The following NRDE2 variants were observed in gnomAD, a reference collection of about 807,000 sequenced individuals.
NRDE2 encodes nuclear exosome regulator NRDE2.
In NRDE2, 76 loss-of-function variants were observed where a neutral mutation model predicts 124.2. That is an observed-to-expected ratio of 0.61 (90% CI 0.51 to 0.74). NRDE2 has a LOEUF of 0.74. Among genes scored for constraint, NRDE2 ranks in the 30% least tolerant of loss-of-function variants. The pLI is 0.00. For synonymous variants in NRDE2, 489 were observed against 528.1 expected, an observed-to-expected ratio of 0.93 and a Z score of 1.01; for missense variants, 1,314 against 1,417.3, an observed-to-expected ratio of 0.93 and a Z score of 1.17.
At chr14:90,331,576 C>T (rs1241669157) in intron 1 of NRDE2, among the ~76,000 whole-genome samples, 2 of 152,196 alleles carry the variant, frequency 1.3e-5, no homozygotes, top group East Asian at 3.9e-4. Flanking sequence ...AGAACAGGAC[C>T]TAACAACATC....
At chr14:90,297,349 T>C (rs1405088922) in intron 8 of NRDE2, among the ~76,000 whole-genome samples, 6 of 152,188 alleles carry the variant, frequency 3.9e-5, no homozygotes, top group East Asian at 3.8e-4. Context: ...TGTTTTGATA[T>C]ACTAGATTAA....
intron 1 of NRDE2, among the ~76,000 whole-genome samples, chr14:90,326,418 C>T (rs867811539): frequency 2.7e-4 from 40 of 149,322 alleles, no homozygotes; most frequent in African/African-American, 8.2e-4. Context: ...GGCGTGAACC[C>T]GGGAAGCGGA....
intron 5 of NRDE2, among the ~76,000 whole-genome samples, chr14:90,303,648 C>T (rs564885497): frequency 1.8e-4 from 27 of 152,150 alleles, no homozygotes; most frequent in Non-Finnish European, 1.6e-4. Context: ...TTGAACTTCA[C>T]CTTCTCCTTG....
intron 1 of NRDE2, among the ~76,000 whole-genome samples, chr14:90,326,075 G>A (rs1387408782): frequency 6.6e-6 from 1 of 152,194 alleles, no homozygotes; most frequent in Non-Finnish European, 1.5e-5. Context: ...GGGACTGGTT[G>A]AATAAAGCAT....
At position 90,316,640 on chromosome 14, in the gene NRDE2, A is replaced by T. The variant is rs1885057952; in HGVS notation, c.345T>A (p.Asp115Glu). 3.1e-6 allele frequency: 5 copies of T among 1,614,060 alleles called. No homozygotes were observed. The highest frequency in any genetic ancestry group is 4.2e-6 in the Non-Finnish European group (5 of 1,180,042). ...CTCTGGAAGGTTTGTCCTTTTCAGA[A>T]TCGGTGTCTGTCTCAGACCTGCTGC... is the stretch of plus-strand genomic sequence containing the variant. ...SSSSRSETDT[D>E]SEKDKPSRGV... The change falls in exon 3 of 14, where the codon GAT (aspartate) becomes GAA (glutamate). Residue 115 changes from aspartate to glutamate, a missense_variant. Asp to Glu is a conservative substitution (Grantham distance 45, BLOSUM62 2). Transcript: ENST00000354366.
At chr14:90,316,919 C>T in intron 2 of NRDE2, 108 bp from the exon 3 acceptor site, 1 of 762,302 alleles carries the variant, frequency 1.3e-6, no homozygotes, top group South Asian at 1.9e-5. Context: ...TAAATGTTCA[C>T]ACAGATTTAC....
intron 1 of NRDE2, among the ~76,000 whole-genome samples, chr14:90,322,384 C>T (rs1301342907): frequency 6.6e-6 from 1 of 152,220 alleles, no homozygotes; most frequent in African/African-American, 2.4e-5. Flanking sequence ...CTATTCACTA[C>T]TGTATTCCCA....
At chr14:90,318,184 T>C (rs1219137000) in intron 1 of NRDE2, 71 bp from the exon 2 acceptor site, 55 of 1,219,054 alleles carry the variant, frequency 4.5e-5, no homozygotes, top group Non-Finnish European at 1.5e-5. Flanking sequence ...GATCTATCCA[T>C]CTTATCAGCT....
intron 1 of NRDE2, among the ~76,000 whole-genome samples, chr14:90,322,874 T>G (rs1029888900): frequency 2.0e-5 from 3 of 152,208 alleles, no homozygotes; most frequent in Non-Finnish European, 2.9e-5. Context: ...ATTTACATAC[T>G]TGATAGATAT....
intron 13 of NRDE2, chr14:90,278,754 T>TTGA: frequency 1.9e-6 from 1 of 534,484 alleles, no homozygotes; most frequent in African/African-American, 1.9e-5. Flanking sequence ...TGACCTGGGC[T>TTGA]CTCACAGCCA....
At chr14:90,305,981 C>T (rs560092333) in intron 4 of NRDE2, among the ~76,000 whole-genome samples, 1 of 152,114 alleles carries the variant, frequency 6.6e-6, no homozygotes, top group African/African-American at 2.4e-5. Flanking sequence ...GTTTATTGAT[C>T]TGCAGTTTAC....
At chr14:90,290,067 AG>A (rs1487127264) in intron 10 of NRDE2, among the ~76,000 whole-genome samples, 153 bp downstream of exon 10, 2 of 152,188 alleles carry the variant, frequency 1.3e-5, no homozygotes, top group Non-Finnish European at 2.9e-5. Flanking sequence ...GACCCTCAGA[AG>A]GGCAAACACA....
chr14:90,312,319 A>G lies in NRDE2; in HGVS notation c.557+75T>C, dbSNP rs79206975. 3,676 of 1,397,768 alleles carry G rather than the reference A, an allele frequency of 2.6e-3. 13 individuals carry two copies. The highest frequency in any genetic ancestry group is 0.013 in the Middle Eastern group (53 of 4,038). The allele number at this position is 1,397,768 out of a possible 1,614,324, so 86.6% of individuals were successfully genotyped here. ...ATGAAAGAGAGAAACAGGCAGGCAG[A>G]CAGTGCCAAGAGAGTTCCGAGGAGA... On this transcript the variant is annotated intron_variant, in intron 4 of 13. Coordinates refer to ENST00000354366, the MANE Select transcript of NRDE2 (RefSeq NM_017970.4).
chr14:90,308,542 A>G (rs1884702675), intron 4 of NRDE2, among the ~76,000 whole-genome samples: 1 of 152,120 alleles, frequency 6.6e-6, no homozygotes, highest in Non-Finnish European at 1.5e-5. Context: ...GGAAAAAAAG[A>G]AAAAAAGACA....
At chr14:90,298,663 A>C (rs1884273318) in intron 7 of NRDE2, among the ~76,000 whole-genome samples, 1 of 152,206 alleles carries the variant, frequency 6.6e-6, no homozygotes, top group Non-Finnish European at 1.5e-5. Flanking sequence ...AAAATATGGC[A>C]AAAGTGATGG....
rs1229424558 is a variant in NRDE2 at position 90,274,829 on chromosome 14, CACACACACA to C, written c.*3498_*3506del. The stretch of plus-strand genomic sequence containing the variant: ...ACACACACACACACACACACACACA[CACACACACA>C]CCCCAATACATATGAATTGATCTGA... On this transcript the variant is annotated 3_prime_UTR_variant, in exon 14 of 14. Transcript: ENST00000354366. 0.049 allele frequency: 4,882 copies of C among 99,834 alleles called. 135 individuals are homozygous for C. Among genetic ancestry groups the C allele is most frequent in the Middle Eastern group, 0.067 (13 of 194 alleles). The allele number at this position is 99,834 out of a possible 1,614,324, so 6.2% of individuals were successfully genotyped here.
At position 90,268,465 on chromosome 14, in the gene NRDE2, C is replaced by T; in HGVS notation, c.*9871G>A. ...TTGTTTAGTAGGGAACACCGCATAG[C>T]TCTTCTCTTGAGAATGAGCAATCTC... On this transcript the variant is annotated 3_prime_UTR_variant, in exon 14 of 14. Transcript: ENST00000354366. The T allele has an allele frequency of 6.4e-7, 1 of 1,560,610 alleles. No homozygotes were observed. The highest frequency in any genetic ancestry group is 1.7e-5 in the Admixed American group (1 of 57,912).
intron 12 of NRDE2, among the ~76,000 whole-genome samples, chr14:90,286,132 C>T (rs1044330702): frequency 2.0e-5 from 3 of 152,188 alleles, no homozygotes; most frequent in South Asian, 2.1e-4. Context: ...CCAAATATTT[C>T]GAGAAGATGG....
Position 90,294,170 on chromosome 14 carries a change from C to G in NRDE2, c.1667-1298G>C, listed in dbSNP as rs1179424692. 2.0e-5 allele frequency among the ~76,000 whole-genome samples: 3 copies of G among 151,880 alleles called. No homozygotes were observed. The East Asian group carries it at 5.8e-4, about 29-fold the overall frequency. On this transcript the variant is annotated intron_variant, in intron 8 of 13. Coordinates refer to ENST00000354366, the MANE Select transcript of NRDE2 (RefSeq NM_017970.4). ...TTGTAGGTATCTCAGGGAAGTTATG[C>G]TAAGTTAAAAAAGCCAATCTCAAAA...
Sources: gnomAD v4.1 joint callset for allele counts (sites outside exome capture counted in the v4.1 genomes callset) on GRCh38, gnomAD v4.1.1 for gene constraint, MANE v1.5 for transcripts, NCBI Gene and HGNC (gene_info 2026-07-23, HGNC 2026-07-21) for gene names.